TXLNB: variants seen among roughly 807,000 people sequenced by gnomAD.
TXLNB encodes taxilin beta, also known as beta-taxilin.
In TXLNB, 37 loss-of-function variants were observed where a neutral mutation model predicts 57.4. The ratio of observed to expected loss-of-function variants is 0.64; its 90% CI spans 0.50 to 0.85. The LOEUF is 0.85. Ranked by LOEUF, TXLNB falls within the 40% of genes least tolerant of loss-of-function variation. The probability of loss-of-function intolerance (pLI) is 0.00; values close to 1 mark genes in which losing one functional copy is unlikely to be tolerated. For synonymous variants in TXLNB, 302 were observed against 309.6 expected, an observed-to-expected ratio of 0.98 and a Z score of 0.26; for missense variants, 848 against 825.6, an observed-to-expected ratio of 1.03 and a Z score of -0.33.
At chr6:139,227,582 T>A in the TXLNB span, among the ~76,000 whole-genome samples, 1 of 152,152 alleles carries the variant, frequency 6.6e-6, no homozygotes, top group African/African-American at 2.4e-5. Context: ...CATATACACA[T>A]AGGAAATATC....
intron 3 of TXLNB, among the ~76,000 whole-genome samples, chr6:139,275,338 G>GA (rs760820310): frequency 1.3e-5 from 2 of 152,106 alleles, no homozygotes; most frequent in East Asian, 3.8e-4. Context: ...ATATTATATG[G>GA]AAAAATGCCT....
At chr6:139,209,111 T>A in the TXLNB span, among the ~76,000 whole-genome samples, 54 of 152,244 alleles carry the variant, frequency 3.5e-4, no homozygotes, top group African/African-American at 1.3e-3. Flanking sequence ...ACAAAATTAA[T>A]GTACACAAAT....
intron 2 of TXLNB, among the ~76,000 whole-genome samples, chr6:139,278,161 AG>A (rs1247994142): frequency 6.6e-6 from 1 of 152,214 alleles, no homozygotes; most frequent in Non-Finnish European, 1.5e-5. Flanking sequence ...TATGCATTTT[AG>A]TATTTAAGGC....
chr6:139,293,533 A>G (rs895676290), upstream of TXLNB, among the ~76,000 whole-genome samples: 3 of 150,988 alleles, frequency 2.0e-5, no homozygotes, highest in East Asian at 1.9e-4. Flanking sequence ...CTCCAGAGGG[A>G]TGCAATCCTG....
At chr6:139,206,708 A>T in the TXLNB span, among the ~76,000 whole-genome samples, 1 of 151,948 alleles carries the variant, frequency 6.6e-6, no homozygotes. Flanking sequence ...GGCAGAATGG[A>T]TTTAAAAAAA....
chr6:139,162,509 C>A, the TXLNB span, among the ~76,000 whole-genome samples: 1 of 152,184 alleles, frequency 6.6e-6, no homozygotes, highest in Non-Finnish European at 1.5e-5. Context: ...CTCAGGCAGT[C>A]TGGTTGCAGA....
At chr6:139,222,811 CACA>C in the TXLNB span, among the ~76,000 whole-genome samples, 9 of 152,012 alleles carry the variant, frequency 5.9e-5, no homozygotes, top group African/African-American at 2.2e-4. Flanking sequence ...TATCTCAAAA[CACA>C]ACAACAATAA....
the TXLNB span, among the ~76,000 whole-genome samples, chr6:139,210,049 A>T: frequency 6.6e-6 from 1 of 152,158 alleles, no homozygotes; most frequent in African/African-American, 2.4e-5. Flanking sequence ...GTGGGCAAAG[A>T]ATATGAATAG....
chr6:139,193,886 G>A, the TXLNB span, among the ~76,000 whole-genome samples: 3 of 137,478 alleles, frequency 2.2e-5, no homozygotes, highest in South Asian at 7.0e-4. Context: ...CTGTCGCCCA[G>A]GCTGGAGTGC....
chr6:139,203,623 C>T, the TXLNB span: 1 of 152,190 alleles, frequency 6.6e-6, no homozygotes, highest in Non-Finnish European at 1.5e-5. Context: ...TAAGTCTTCT[C>T]ATACTATGCA....
the TXLNB span, among the ~76,000 whole-genome samples, chr6:139,228,431 C>T: frequency 1.2e-4 from 18 of 147,594 alleles, no homozygotes; most frequent in Non-Finnish European, 1.9e-4. Flanking sequence ...GAGGCTGAGG[C>T]AGGAGAATCA....
At chr6:139,167,711 G>A in the TXLNB span, among the ~76,000 whole-genome samples, 1 of 152,218 alleles carries the variant, frequency 6.6e-6, no homozygotes, top group Non-Finnish European at 1.5e-5. Flanking sequence ...AGGAAAAGCA[G>A]TGGTCAGAAA....
At chr6:139,250,579 G>A (rs1410816426) in intron 7 of TXLNB, among the ~76,000 whole-genome samples, 1 of 151,858 alleles carries the variant, frequency 6.6e-6, no homozygotes, top group African/African-American at 2.4e-5. Flanking sequence ...CTTTTCATTT[G>A]TATTCTCAGC....
chr6:139,166,859 G>A, the TXLNB span: 1 of 1,613,912 alleles, frequency 6.2e-7, no homozygotes, highest in East Asian at 2.2e-5. Context: ...CCTCTCTCCT[G>A]CCCACTTCAG....
At chr6:139,321,301 C>T in the TXLNB span, among the ~76,000 whole-genome samples, 2 of 152,160 alleles carry the variant, frequency 1.3e-5, no homozygotes, top group African/African-American at 2.4e-5. Context: ...GAATGGGATT[C>T]GTGCCCTTAC....
intron 2 of TXLNB, among the ~76,000 whole-genome samples, chr6:139,280,059 C>T (rs1777004388): frequency 6.6e-6 from 1 of 152,014 alleles, no homozygotes; most frequent in East Asian, 1.9e-4. Flanking sequence ...TCGAGACCAT[C>T]CTGGCCAACG....
chr6:139,244,794 T>C lies in TXLNB; in HGVS notation c.1171-104A>G, dbSNP rs1265695436. The C allele has an allele frequency of 2.2e-5, 16 of 730,982 alleles. No individual in the cohort carries two copies. In the East Asian group the frequency reaches 3.5e-4, roughly 16 times the overall value. 45.3% of individuals were successfully genotyped at this position (730,982 alleles called of 1,614,324 possible). A position where few individuals can be genotyped will look rare whatever the true frequency, so the allele number is the denominator to read the frequency against. On this transcript the variant is annotated intron_variant, in intron 8 of 9. Transcript: ENST00000358430. ...CAGGAGAAGCCCTTTTGTTACCAGA[T>C]GCTGAAGCAAACAAATGTTCAATGT...
chr6:139,175,696 A>G, the TXLNB span, among the ~76,000 whole-genome samples: 1 of 152,208 alleles, frequency 6.6e-6, no homozygotes, highest in Non-Finnish European at 1.5e-5. Flanking sequence ...CCAGGTCTAC[A>G]TACATTGTGT....
At chr6:139,234,896 G>A in the TXLNB span, among the ~76,000 whole-genome samples, 13 of 152,212 alleles carry the variant, frequency 8.5e-5, no homozygotes, top group African/African-American at 1.7e-4. Flanking sequence ...GAAAGCAGCT[G>A]GGAAGGGCAC....
Sources: gnomAD v4.1 joint callset for allele counts (sites outside exome capture counted in the v4.1 genomes callset) on GRCh38, gnomAD v4.1.1 for gene constraint, MANE v1.5 for transcripts, NCBI Gene and HGNC (gene_info 2026-07-23, HGNC 2026-07-21) for gene names.